The following LRP1B variants were observed in gnomAD, a reference collection of about 807,000 sequenced individuals.
LRP1B encodes the protein low-density lipoprotein receptor-related protein 1B.
Under a neutral mutation model 556.6 loss-of-function variants are expected in LRP1B, and 217 were observed. The observed-to-expected ratio is 0.39, with a 90% confidence interval of 0.35 to 0.44. LRP1B has a LOEUF of 0.44. Ranked by LOEUF, LRP1B falls within the 20% of genes least tolerant of loss-of-function variation. The pLI is 1.00. For missense variants in LRP1B, 5,053 were observed against 5,620.8 expected (o/e 0.90, Z 3.23); for synonymous variants, 2,047 against 1,865.8 (o/e 1.10, Z -2.50).
At chr2:141,500,145 C>A (rs1683660916) in intron 2 of LRP1B, among the ~76,000 whole-genome samples, 1 of 152,054 alleles carries the variant, frequency 6.6e-6, no homozygotes. Flanking sequence ...GGAGAGGGAG[C>A]CTATTTGAGT....
intron 2 of LRP1B, among the ~76,000 whole-genome samples, chr2:141,717,020 T>C (rs1046232601): frequency 6.6e-6 from 1 of 152,178 alleles, no homozygotes; most frequent in Non-Finnish European, 1.5e-5. Context: ...GTTTAGGTGT[T>C]GAGGTGCTCA....
chr2:141,120,962 A>G (rs1188576979), intron 7 of LRP1B, among the ~76,000 whole-genome samples: 1 of 152,052 alleles, frequency 6.6e-6, no homozygotes, highest in Non-Finnish European at 1.5e-5. Context: ...TAAAAAAAAT[A>G]ACATTAATTA....
intron 2 of LRP1B, among the ~76,000 whole-genome samples, chr2:141,738,513 C>T (rs1332211669): frequency 6.6e-6 from 1 of 152,106 alleles, no homozygotes; most frequent in Non-Finnish European, 1.5e-5. Flanking sequence ...AAGTAGGATA[C>T]ATTGGCCCCG....
intron 43 of LRP1B, among the ~76,000 whole-genome samples, chr2:140,582,008 G>A (rs534834032): frequency 4.6e-5 from 7 of 152,176 alleles, no homozygotes; most frequent in Non-Finnish European, 8.8e-5. Context: ...CACTGTGAAA[G>A]GCCAAAATTA....
At chr2:141,937,670 A>G (rs982207344) in intron 1 of LRP1B, among the ~76,000 whole-genome samples, 1 of 151,946 alleles carries the variant, frequency 6.6e-6, no homozygotes. Flanking sequence ...CTAAATTAAA[A>G]AAAAAAAAGA....
chr2:141,510,376 G>T (rs1350654059), intron 2 of LRP1B, among the ~76,000 whole-genome samples: 1 of 151,930 alleles, frequency 6.6e-6, no homozygotes. Flanking sequence ...TCAAAAGAAA[G>T]AATTTCCATT....
At chr2:141,375,849 G>A (rs952824707) in intron 3 of LRP1B, among the ~76,000 whole-genome samples, 1 of 152,122 alleles carries the variant, frequency 6.6e-6, no homozygotes, top group African/African-American at 2.4e-5. Flanking sequence ...ATATGTGTAA[G>A]AGAGCATGGT....
At chr2:141,926,191 T>C (rs1021961405) in intron 1 of LRP1B, among the ~76,000 whole-genome samples, 2 of 152,180 alleles carry the variant, frequency 1.3e-5, no homozygotes, top group Non-Finnish European at 2.9e-5. Flanking sequence ...ATGTAAATCA[T>C]TCTGAACATT....
intron 41 of LRP1B, among the ~76,000 whole-genome samples, chr2:140,661,190 T>G (rs1348539033): frequency 6.6e-6 from 1 of 152,160 alleles, no homozygotes; most frequent in Non-Finnish European, 1.5e-5. Context: ...GTTTAGCCAT[T>G]AATTTGTACA....
intron 2 of LRP1B, among the ~76,000 whole-genome samples, chr2:141,508,098 A>C (rs1574026275): frequency 1.3e-5 from 2 of 151,524 alleles, no homozygotes; most frequent in Non-Finnish European, 1.5e-5. Flanking sequence ...CCCCAAAAAA[A>C]AAGAAAGAAA....
intron 3 of LRP1B, among the ~76,000 whole-genome samples, chr2:141,304,250 C>T (rs554407447): frequency 8.6e-5 from 13 of 152,016 alleles, no homozygotes; most frequent in Non-Finnish European, 1.5e-4. Context: ...CTTTACTGCA[C>T]AGAAGCTTTT....
intron 47 of LRP1B, 151 bp downstream of exon 47, chr2:140,533,870 T>C (rs1690828336): frequency 8.4e-6 from 6 of 717,156 alleles, no homozygotes; most frequent in African/African-American, 5.4e-5. Flanking sequence ...CAAGTAACTT[T>C]AGCAACTCCA....
intron 72 of LRP1B, 88 bp from the exon 73 acceptor site, chr2:140,359,034 A>C: frequency 7.6e-7 from 1 of 1,320,398 alleles, no homozygotes; most frequent in South Asian, 1.4e-5. Context: ...ATTCTTTTCA[A>C]ATCCATAAGC....
intron 87 of LRP1B, among the ~76,000 whole-genome samples, chr2:140,241,190 TCTGTAATTTATTAGCAG>T (rs555234629): frequency 7.2e-4 from 109 of 151,004 alleles, no homozygotes; most frequent in African/African-American, 2.4e-3. Flanking sequence ...TTTATATGCA[TCTGTAATTTATTAGCAG>T]CTGTAATTTA....
chr2:141,493,710 G>A (rs1363127541), intron 2 of LRP1B, among the ~76,000 whole-genome samples: 1 of 152,136 alleles, frequency 6.6e-6, no homozygotes, highest in Non-Finnish European at 1.5e-5. Flanking sequence ...TGATGGTACT[G>A]GGTAGCAGCC....
chr2:141,559,312 C>A (rs1686064725), intron 2 of LRP1B, among the ~76,000 whole-genome samples: 1 of 151,570 alleles, frequency 6.6e-6, no homozygotes, highest in African/African-American at 2.4e-5. Flanking sequence ...TTTCTGTCAG[C>A]AGTGCAACTG....
chr2:141,464,594 A>ATTTTTTTTTTTTT (rs1559084708), intron 3 of LRP1B, among the ~76,000 whole-genome samples: 14 of 34,762 alleles, frequency 4.0e-4, no homozygotes, highest in African/African-American at 8.7e-4. Flanking sequence ...GTATATATAT[A>ATTTTTTTTTTTTT]TATATATATA....
At chr2:140,844,639 C>T (rs968146028) in intron 29 of LRP1B, among the ~76,000 whole-genome samples, 8 of 152,150 alleles carry the variant, frequency 5.3e-5, no homozygotes, top group African/African-American at 1.7e-4. Flanking sequence ...TAAATCAGAA[C>T]AAGATCTCTG....
chr2:140,985,837 C>T (rs1696905414), intron 17 of LRP1B, among the ~76,000 whole-genome samples: 2 of 151,236 alleles, frequency 1.3e-5, no homozygotes, highest in Admixed American at 1.3e-4. Context: ...TATATCAAAT[C>T]TTATTTTTTT....
Sources: allele counts gnomAD v4.1 joint callset (sites outside exome capture counted in the v4.1 genomes callset), GRCh38; gene constraint gnomAD v4.1.1; transcripts MANE v1.5; gene names NCBI Gene and HGNC (gene_info 2026-07-23, HGNC 2026-07-21).